The following ESR1 variants were observed in gnomAD, a reference collection of about 807,000 sequenced individuals.
ESR1 encodes the protein estrogen receptor 1.
In ESR1, 12 loss-of-function variants were observed where a neutral mutation model predicts 52.7. That is an observed-to-expected ratio of 0.23 (90% CI 0.15 to 0.37). ESR1 has a LOEUF of 0.37. Among genes scored for constraint, ESR1 ranks in the 10% least tolerant of loss-of-function variants. The probability of loss-of-function intolerance (pLI) is 1.00; values close to 1 mark genes in which losing one functional copy is unlikely to be tolerated. For missense variants in ESR1, 584 were observed against 779.7 expected, an observed-to-expected ratio of 0.75 and a Z score of 2.99; for synonymous variants, 305 against 316.8, an observed-to-expected ratio of 0.96 and a Z score of 0.39.
intron 1 of ESR1, among the ~76,000 whole-genome samples, chr6:151,823,367 C>T (rs538262151): frequency 1.3e-5 from 2 of 151,114 alleles, no homozygotes; most frequent in African/African-American, 4.8e-5. Flanking sequence ...ATTAAACCTA[C>T]AATGACATTG....
chr6:151,966,945 G>A (rs544395196), intron 4 of ESR1, among the ~76,000 whole-genome samples: 80 of 152,236 alleles, frequency 5.3e-4, no homozygotes, highest in African/African-American at 1.8e-3. Context: ...TGCTGTCACT[G>A]TAGTGGGACA....
chr6:151,899,793 A>ACGATGGG (rs1464928060), intron 3 of ESR1, among the ~76,000 whole-genome samples: 2 of 145,818 alleles, frequency 1.4e-5, no homozygotes, highest in Non-Finnish European at 3.0e-5. Context: ...CACATCTCAG[A>ACGATGGG]CGATGGGCGG....
chr6:152,010,067 G>T (rs1233629833), intron 4 of ESR1, among the ~76,000 whole-genome samples: 1 of 152,128 alleles, frequency 6.6e-6, no homozygotes, highest in Non-Finnish European at 1.5e-5. Flanking sequence ...CCTCAAGATA[G>T]AATTGATGAG....
chr6:151,708,220 A>C (rs1780327109), intron 2 of ESR1, among the ~76,000 whole-genome samples: 1 of 152,088 alleles, frequency 6.6e-6, no homozygotes, highest in South Asian at 2.1e-4. Flanking sequence ...GTCACTTTGC[A>C]ATATGTCTTA....
At chr6:152,019,926 C>T (rs138389044) in intron 5 of ESR1, among the ~76,000 whole-genome samples, 244 of 152,186 alleles carry the variant, frequency 1.6e-3, no homozygotes, top group Non-Finnish European at 2.9e-3. Flanking sequence ...ATCCATAGGG[C>T]GCTGTATGAT....
At chr6:151,660,075 A>G (rs851966) in intron 1 of ESR1, among the ~76,000 whole-genome samples, 76,337 of 152,068 alleles carry the variant, frequency 0.5, 19,655 homozygotes, top group East Asian at 0.78. Flanking sequence ...GAATTCAATA[A>G]TTTCAAAGAA....
chr6:151,670,947 T>C (rs1170452746), intron 1 of ESR1, among the ~76,000 whole-genome samples: 1 of 151,910 alleles, frequency 6.6e-6, no homozygotes. Flanking sequence ...TTTGTATTCT[T>C]AGTAGAGATG....
chr6:151,829,462 G>A (rs1051532872), intron 1 of ESR1, among the ~76,000 whole-genome samples: 1 of 152,020 alleles, frequency 6.6e-6, no homozygotes, highest in Non-Finnish European at 1.5e-5. Flanking sequence ...CATTAGAAAC[G>A]CAATGGCTAT....
At chr6:151,907,756 C>T (rs9383948) in intron 3 of ESR1, among the ~76,000 whole-genome samples, 6,271 of 152,048 alleles carry the variant, frequency 0.041, 338 homozygotes, top group African/African-American at 0.12. Flanking sequence ...TCTCACTGGG[C>T]CAAAAGATAG....
At chr6:151,670,921 A>G (rs1019629235) in intron 1 of ESR1, among the ~76,000 whole-genome samples, 11 of 151,942 alleles carry the variant, frequency 7.2e-5, no homozygotes. Flanking sequence ...GGCCTGCAAC[A>G]CCATACCTGG....
At chr6:152,076,756 C>T (rs1421883001) in intron 6 of ESR1, among the ~76,000 whole-genome samples, 1 of 149,082 alleles carries the variant, frequency 6.7e-6, no homozygotes, top group African/African-American at 2.6e-5. Context: ...GCATTTTACC[C>T]CTGCTGTAGA....
At chr6:151,781,054 T>C (rs1196771599) in intron 2 of ESR1, among the ~76,000 whole-genome samples, 2 of 152,264 alleles carry the variant, frequency 1.3e-5, no homozygotes, top group Non-Finnish European at 2.9e-5. Flanking sequence ...TTCTAAAACT[T>C]CTTTCAAAGT....
intron 2 of ESR1, among the ~76,000 whole-genome samples, chr6:151,732,193 T>C (rs1782298019): frequency 1.3e-5 from 2 of 152,232 alleles, no homozygotes; most frequent in African/African-American, 4.8e-5. Flanking sequence ...TTTATTTCAA[T>C]TATAAAATTG....
In ESR1 at chr6:152,102,010, T is replaced by C. The variant is rs1044646160; in HGVS notation, c.*3044T>C. Reference sequence around the variant, plus strand: ...CCATTGCCTAGCTTGCCGTAATGATTCTATAATGCCATCATGCAGCAATTA... The same window carrying C: ...CCATTGCCTAGCTTGCCGTAATGATCCTATAATGCCATCATGCAGCAATTA... On this transcript the variant is annotated 3_prime_UTR_variant, in exon 8 of 8. Transcript: ENST00000206249. The C allele has an allele frequency of 2.3e-5, 5 of 215,230 alleles. No homozygotes were observed. Among genetic ancestry groups the C allele is most frequent in the Non-Finnish European group, 3.8e-5 (4 of 106,520 alleles). 13.3% of individuals were successfully genotyped at this position (215,230 alleles called of 1,614,324 possible).
chr6:151,846,131 G>A (rs966334626), intron 2 of ESR1, among the ~76,000 whole-genome samples: 10 of 152,124 alleles, frequency 6.6e-5, no homozygotes, highest in Non-Finnish European at 1.2e-4. Flanking sequence ...GAAGAAGGAG[G>A]GAATGCATGT....
chr6:151,727,049 TA>T (rs939719853), intron 2 of ESR1, among the ~76,000 whole-genome samples: 2 of 152,098 alleles, frequency 1.3e-5, no homozygotes, highest in Admixed American at 6.5e-5. Context: ...TAACAGCAAT[TA>T]AAAAAATGAA....
intron 2 of ESR1, among the ~76,000 whole-genome samples, chr6:151,852,194 T>G (rs770380097): frequency 2.0e-5 from 3 of 152,162 alleles, no homozygotes; most frequent in Admixed American, 6.5e-5. Context: ...AGATGATAGC[T>G]GGATGTCCAG....
At chr6:152,030,908 T>C (rs1269402115) in intron 5 of ESR1, among the ~76,000 whole-genome samples, 1 of 152,108 alleles carries the variant, frequency 6.6e-6, no homozygotes, top group Non-Finnish European at 1.5e-5. Flanking sequence ...CCTCAGCAAA[T>C]GTAAAAGAAC....
Position 151,883,328 on chromosome 6 carries a change from A to G in ESR1, c.760+2557A>G, listed in dbSNP as rs369789398. Among the ~76,000 whole-genome samples, 6 of 150,054 alleles carry G rather than the reference A, an allele frequency of 4.0e-5. No individual in the cohort carries two copies. The East Asian group carries it at 6.0e-4, about 15-fold the overall frequency. On this transcript the variant is annotated intron_variant, in intron 3 of 7. Coordinates refer to ENST00000206249, the MANE Select transcript of ESR1 (RefSeq NM_000125.4). ...TTTTGTAGAGACGGAGTTTCACTCT[A>G]TGTTGGCCAGGCTGGTCTTGAACTC...
Sources: allele counts gnomAD v4.1 joint callset (sites outside exome capture counted in the v4.1 genomes callset), GRCh38; gene constraint gnomAD v4.1.1; transcripts MANE v1.5; gene names NCBI Gene and HGNC (gene_info 2026-07-23, HGNC 2026-07-21).